ARHGAP21: variants seen among roughly 807,000 people sequenced by gnomAD.
ARHGAP21 encodes the protein Rho GTPase activating protein 21.
ARHGAP21 carries 38 observed loss-of-function variants against 164.6 expected under a neutral mutation model. That is an observed-to-expected ratio of 0.23 (90% CI 0.18 to 0.30). ARHGAP21 has a LOEUF of 0.30. Ranked by LOEUF, ARHGAP21 falls within the 10% of genes least tolerant of loss-of-function variation. The pLI, the probability that ARHGAP21 is intolerant of heterozygous loss-of-function variation, is 1.00. For missense variants in ARHGAP21, 1,822 were observed against 2,370.7 expected (o/e 0.77, Z 4.81); for synonymous variants, 766 against 857.9 (o/e 0.89, Z 1.87).
In ARHGAP21 at chr10:24,586,045, G is replaced by A. The variant is rs767642142; in HGVS notation, c.4244C>T (p.Ala1415Val). 1.2e-6 allele frequency: 2 copies of A among 1,613,956 alleles called. No homozygotes were observed. Among genetic ancestry groups the A allele is most frequent in the Non-Finnish European group, 1.7e-6 (2 of 1,179,990 alleles). The stretch of plus-strand genomic sequence containing the variant: ...CTTCTTCCTCTTGCGACTAGCAGCT[G>A]CAAAGATGGAGGACACAAGCAGTTC... ...SRELLVSSIF[A>V]AASRKRKKPK... Residue 1415 changes from alanine (A) to valine (V), a missense_variant, in exon 26 of 26, where the codon GCA becomes GTA. Ala to Val is a moderately conservative substitution (Grantham distance 64). Coordinates refer to ENST00000396432, the MANE Select transcript of ARHGAP21 (RefSeq NM_020824.4).
intron 4 of ARHGAP21, among the ~76,000 whole-genome samples, chr10:24,642,253 C>T (rs187741885): frequency 1.5e-3 from 234 of 152,128 alleles, no homozygotes; most frequent in Middle Eastern, 3.4e-3. Context: ...CAGGGGCTCA[C>T]GCCTGTAATC....
chr10:24,597,695 A>G (rs2076644236), intron 15 of ARHGAP21, 112 bp from the exon 16 acceptor site: 1 of 1,464,684 alleles, frequency 6.8e-7, no homozygotes, highest in South Asian at 1.3e-5. Context: ...AATTCTTGGA[A>G]TAAACAATTC....
At chr10:24,621,986 G>T (rs2367067) in intron 8 of ARHGAP21, among the ~76,000 whole-genome samples, 1 of 151,982 alleles carries the variant, frequency 6.6e-6, no homozygotes, top group Non-Finnish European at 1.5e-5. Context: ...AATAAAGGCA[G>T]AAAAACATGA....
At chr10:24,601,757 T>A (rs1199673208) in intron 13 of ARHGAP21, among the ~76,000 whole-genome samples, 1 of 152,162 alleles carries the variant, frequency 6.6e-6, no homozygotes, top group Non-Finnish European at 1.5e-5. Flanking sequence ...GACAATATAT[T>A]CTACATGTAG....
Position 24,585,069 on chromosome 10 carries a change from T to C in ARHGAP21, c.5220A>G (p.Gly1740=). Residue 1740 remains glycine (G), a synonymous_variant, in exon 26 of 26, where the codon GGA becomes GGG. Transcript: ENST00000396432. ...GTGTCAGTAAACTCCCAGTTGACTT[T>C]CCTTTTTTCATAACATCAAACACTT... is the stretch of plus-strand genomic sequence containing the variant. ...LTKVFDVMKK[G]KSTGSLLTPT... 1.2e-6 allele frequency: 2 copies of C among 1,613,836 alleles called. No individual in the cohort carries two copies. The highest frequency in any genetic ancestry group is 1.7e-6 in the Non-Finnish European group (2 of 1,179,844).
intron 2 of ARHGAP21, among the ~76,000 whole-genome samples, chr10:24,719,496 T>C (rs561078274): frequency 6.6e-6 from 1 of 152,230 alleles, no homozygotes; most frequent in Non-Finnish European, 1.5e-5. Context: ...CTCCTGTTAA[T>C]TCATTACATT....
chr10:24,587,748 A>G (rs1016084388), intron 25 of ARHGAP21, among the ~76,000 whole-genome samples: 1 of 152,224 alleles, frequency 6.6e-6, no homozygotes, highest in African/African-American at 2.4e-5. Flanking sequence ...CGTGGCGAGA[A>G]GCAATTAGAT....
chr10:24,692,112 T>G (rs941782065), intron 2 of ARHGAP21, among the ~76,000 whole-genome samples: 1 of 152,190 alleles, frequency 6.6e-6, no homozygotes, highest in Admixed American at 6.5e-5. Flanking sequence ...TTCTTGATGA[T>G]GTTGGTATTG....
At chr10:24,605,493 A>AC (rs2076986070) in intron 11 of ARHGAP21, among the ~76,000 whole-genome samples, 1 of 152,054 alleles carries the variant, frequency 6.6e-6, no homozygotes, top group African/African-American at 2.4e-5. Flanking sequence ...CACAAATCCA[A>AC]CCCTGTATCT....
intron 2 of ARHGAP21, among the ~76,000 whole-genome samples, chr10:24,671,805 C>T (rs117595258): frequency 0.059 from 8,821 of 149,876 alleles, 356 homozygotes; most frequent in Non-Finnish European, 0.091. Context: ...TCACTGCAGA[C>T]TGGATCACAG....
chr10:24,605,363 C>T (rs1056881601), intron 11 of ARHGAP21, among the ~76,000 whole-genome samples: 1 of 152,176 alleles, frequency 6.6e-6, no homozygotes, highest in Non-Finnish European at 1.5e-5. Flanking sequence ...AATGAGGAAA[C>T]ATACAGTCCT....
intron 9 of ARHGAP21, among the ~76,000 whole-genome samples, chr10:24,608,309 TCA>T (rs1455220013): frequency 6.6e-6 from 1 of 152,132 alleles, no homozygotes; most frequent in African/African-American, 2.4e-5. Context: ...TGGCTGAGGC[TCA>T]GTTTTCAAAG....
At chr10:24,625,299 G>GAAAAAAAAAAAAAAAAAAAAAA (rs34935501) in intron 7 of ARHGAP21, among the ~76,000 whole-genome samples, 4 of 53,686 alleles carry the variant, frequency 7.5e-5, no homozygotes, top group Non-Finnish European at 1.4e-4. Context: ...ATGAAACAGA[G>GAAAAAAAAAAAAAAAAAAAAAA]AAAAAAAAAA....
chr10:24,622,435 T>TATAA (rs1275069973), intron 8 of ARHGAP21, among the ~76,000 whole-genome samples: 93 of 1,830 alleles, frequency 0.051, no homozygotes, highest in African/African-American at 0.3. Context: ...TTAAAAAACA[T>TATAA]ATATATATAT....
intron 4 of ARHGAP21, among the ~76,000 whole-genome samples, chr10:24,638,884 T>C (rs1327465786): frequency 1.3e-5 from 2 of 152,286 alleles, no homozygotes; most frequent in African/African-American, 2.4e-5. Flanking sequence ...ATATAATTAG[T>C]ACTGACTTAA....
chr10:24,605,115 A>G (rs1157919284), intron 11 of ARHGAP21, among the ~76,000 whole-genome samples: 2 of 152,144 alleles, frequency 1.3e-5, no homozygotes, highest in Non-Finnish European at 2.9e-5. Flanking sequence ...CTTCAACCAT[A>G]TCAGAAGACA....
intron 2 of ARHGAP21, among the ~76,000 whole-genome samples, chr10:24,699,959 G>T (rs1221793380): frequency 1.3e-5 from 2 of 152,148 alleles, no homozygotes. Context: ...TTAGAAGCTT[G>T]CTGTGAGGGG....
At chr10:24,598,633 T>A (rs1163778312) in intron 14 of ARHGAP21, among the ~76,000 whole-genome samples, 2 of 152,202 alleles carry the variant, frequency 1.3e-5, no homozygotes, top group Non-Finnish European at 2.9e-5. Context: ...GTGATCCTTT[T>A]TTTCCTATTC....
intron 4 of ARHGAP21, among the ~76,000 whole-genome samples, chr10:24,656,222 A>G (rs2131605240): frequency 8.0e-6 from 1 of 125,214 alleles, no homozygotes; most frequent in South Asian, 2.7e-4. Flanking sequence ...TGGGGGGGTC[A>G]TCCCCCCGCC....
Sources: gnomAD v4.1 joint callset for allele counts (sites outside exome capture counted in the v4.1 genomes callset) on GRCh38, gnomAD v4.1.1 for gene constraint, MANE v1.5 for transcripts, NCBI Gene and HGNC (gene_info 2026-07-23, HGNC 2026-07-21) for gene names.